The following TBC1D21 variants were observed in gnomAD, a reference collection of about 807,000 sequenced individuals.
TBC1D21 encodes TBC1 domain family member 21.
Under a neutral mutation model 46.0 loss-of-function variants are expected in TBC1D21, and 38 were observed. That is an observed-to-expected ratio of 0.83 (90% CI 0.64 to 1.08). The LOEUF is 1.08. Among genes scored for constraint, TBC1D21 ranks in the 50% least tolerant of loss-of-function variants. The pLI is 0.00. For missense variants in TBC1D21, 415 were observed against 417.9 expected, an observed-to-expected ratio of 0.99 and a Z score of 0.06; for synonymous variants, 151 against 157.2, an observed-to-expected ratio of 0.96 and a Z score of 0.29.
chr15:73,889,164 G>A lies in TBC1D21; in HGVS notation c.*63G>A. 6.4e-7 allele frequency: 1 copy of A among 1,554,488 alleles called. No individual in the cohort carries two copies. The highest frequency in any genetic ancestry group is 1.3e-5 in the African/African-American group (1 of 74,076). ...GGCAGGATGAAGGCCAGGGGCACTG[G>A]AGTGAGGGAGTAGATAAAACAGCTG... On this transcript the variant is annotated 3_prime_UTR_variant, in exon 11 of 11. Coordinates refer to ENST00000300504, the MANE Select transcript of TBC1D21 (RefSeq NM_153356.3).
At chr15:73,875,322 AAGGG>A (rs111521343) in intron 1 of TBC1D21, among the ~76,000 whole-genome samples, 2,881 of 143,018 alleles carry the variant, frequency 0.02, 104 homozygotes, top group African/African-American at 0.069. Flanking sequence ...GGAAGGAAGG[AAGGG>A]AGGGAGGGAG....
chr15:73,898,898 TATATAC>T, the TBC1D21 span, among the ~76,000 whole-genome samples: 2 of 131,106 alleles, frequency 1.5e-5, no homozygotes, highest in South Asian at 2.4e-4. Context: ...TATATATATA[TATATAC>T]ACACACACTC....
intron 4 of TBC1D21, 37 bp from the exon 5 acceptor site, chr15:73,884,744 T>C (rs1188642280): frequency 6.7e-7 from 1 of 1,486,804 alleles, no homozygotes; most frequent in Non-Finnish European, 9.4e-7. Flanking sequence ...CTGGATGTGA[T>C]CTGGTGCCAC....
downstream of TBC1D21, among the ~76,000 whole-genome samples, chr15:73,891,062 A>C (rs554579400): frequency 6.6e-6 from 1 of 152,354 alleles, no homozygotes; most frequent in South Asian, 2.1e-4. Context: ...ATCTTGGAAG[A>C]GTGGAGCTTC....
Position 73,885,130 on chromosome 15 carries a change from C to T in TBC1D21, c.579+27C>T, listed in dbSNP as rs202019271. On this transcript the variant is annotated intron_variant, in intron 6 of 10. Transcript: ENST00000300504. ...TGAGGGCAAGGCCTGAGCTCAGGGA[C>T]GCCCCTCCCCAACCCCCCACTACTC... 134 of 1,593,674 alleles carry T rather than the reference C, an allele frequency of 8.4e-5. No individual in the cohort carries two copies. The African/African-American group carries it at 1.2e-3, about 15-fold the overall frequency.
chr15:73,892,174 G>A (rs2068342705), downstream of TBC1D21, among the ~76,000 whole-genome samples: 1 of 152,232 alleles, frequency 6.6e-6, no homozygotes, highest in African/African-American at 2.4e-5. Context: ...TCTGTGGAGA[G>A]GAGCTACTCA....
At chr15:73,906,026 T>C in the TBC1D21 span, among the ~76,000 whole-genome samples, 1 of 152,224 alleles carries the variant, frequency 6.6e-6, no homozygotes, top group Admixed American at 6.5e-5. Flanking sequence ...AGCAAGGGAC[T>C]GGCTCCTGGT....
Position 73,881,721 on chromosome 15 carries a change from G to T in TBC1D21, c.246G>T (p.Glu82Asp), listed in dbSNP as rs1475770012. 6.2e-7 allele frequency: 1 copy of T among 1,613,794 alleles called. No homozygotes were observed. The highest frequency in any genetic ancestry group is 8.5e-7 in the Non-Finnish European group (1 of 1,179,974). The change falls in exon 3 of 11, where the codon GAG (glutamate) becomes GAT (aspartate). Residue 82 changes from glutamate to aspartate, a missense_variant. Physicochemically the swap from Glu to Asp is conservative, Grantham distance 45. Coordinates refer to ENST00000300504, the MANE Select transcript of TBC1D21 (RefSeq NM_153356.3). ...TCTCATGGCAGAGTTCCCAGGATGAGCGGCTCACGGTGGACAGCATGAGGA... is the reference window on the plus strand; with the variant it reads ...TCTCATGGCAGAGTTCCCAGGATGATCGGCTCACGGTGGACAGCATGAGGA... ...GYFSWQSSQD[E>D]RLTVDSMRRK... is the part of the protein sequence containing the mutation.
At chr15:73,887,836 C>G in intron 9 of TBC1D21, 100 bp downstream of exon 9, 1 of 931,266 alleles carries the variant, frequency 1.1e-6, no homozygotes, top group Non-Finnish European at 1.7e-6. Context: ...GTGCTGGGCA[C>G]CAGTGCCACC....
At chr15:73,883,712 C>T (rs554572345) in intron 3 of TBC1D21, among the ~76,000 whole-genome samples, 1 of 152,226 alleles carries the variant, frequency 6.6e-6, no homozygotes, top group Non-Finnish European at 1.5e-5. Flanking sequence ...ATGCGGCCAG[C>T]AATACCAACT....
chr15:73,888,078 G>A (rs955723880), intron 9 of TBC1D21, among the ~76,000 whole-genome samples: 3 of 152,120 alleles, frequency 2.0e-5, no homozygotes, highest in Non-Finnish European at 4.4e-5. Context: ...TGAAACAGAA[G>A]GACCTAGAGT....
intron 9 of TBC1D21, 37 bp downstream of exon 9, chr15:73,887,773 C>T (rs1306744721): frequency 6.4e-7 from 1 of 1,572,640 alleles, no homozygotes; most frequent in Middle Eastern, 2.1e-4. Context: ...ACCCCTGCTC[C>T]TGGAGGCCCT....
intron 3 of TBC1D21, among the ~76,000 whole-genome samples, chr15:73,883,206 A>T (rs920723460): frequency 1.3e-5 from 2 of 152,246 alleles, no homozygotes; most frequent in Admixed American, 1.3e-4. Flanking sequence ...TGTCGGGGCC[A>T]GCCAGAGTGA....
At chr15:73,892,836 C>T (rs540659361), downstream of TBC1D21, among the ~76,000 whole-genome samples, 1 of 152,344 alleles carries the variant, frequency 6.6e-6, no homozygotes, top group East Asian at 1.9e-4. Context: ...AAAGGAATAC[C>T]TCAAGAATTC....
At chr15:73,901,744 A>G in the TBC1D21 span, among the ~76,000 whole-genome samples, 2 of 151,992 alleles carry the variant, frequency 1.3e-5, no homozygotes, top group Non-Finnish European at 2.9e-5. Context: ...CCATTGTCAC[A>G]TCTCCTACTT....
chr15:73,885,114 G>C lies in TBC1D21; in HGVS notation c.579+11G>C. On this transcript the variant is annotated intron_variant, in intron 6 of 10. Coordinates refer to ENST00000300504, the MANE Select transcript of TBC1D21 (RefSeq NM_153356.3). ...TTCCTGCAGAAAACGGTGAGGGCAA[G>C]GCCTGAGCTCAGGGACGCCCCTCCC... is the stretch of plus-strand genomic sequence containing the variant. 1.2e-6 allele frequency: 2 copies of C among 1,610,010 alleles called. No individual in the cohort carries two copies. Among genetic ancestry groups the C allele is most frequent in the Non-Finnish European group, 1.7e-6 (2 of 1,179,430 alleles).
At chr15:73,902,372 A>C in the TBC1D21 span, among the ~76,000 whole-genome samples, 1 of 152,146 alleles carries the variant, frequency 6.6e-6, no homozygotes, top group Non-Finnish European at 1.5e-5. Flanking sequence ...CTGTCTCTGG[A>C]GTCAGTGAGC....
downstream of TBC1D21, among the ~76,000 whole-genome samples, chr15:73,890,602 G>A (rs1231145191): frequency 6.6e-6 from 1 of 152,204 alleles, no homozygotes; most frequent in African/African-American, 2.4e-5. Context: ...TTGGCCTTGG[G>A]AAGAGAACAA....
At position 73,883,195 on chromosome 15, in the gene TBC1D21, G is replaced by C. The variant is rs184075986; in HGVS notation, c.273-956G>C. On this transcript the variant is annotated intron_variant, in intron 3 of 10. Transcript: ENST00000300504. The stretch of plus-strand genomic sequence containing the variant: ...CAGACAGAATGTGGAAAAGATTCAC[G>C]TGTCGGGGCCAGCCAGAGTGACCCG... Among the ~76,000 whole-genome samples, 8 of 152,342 alleles carry C rather than the reference G, an allele frequency of 5.3e-5. No homozygotes were observed. In the East Asian group the frequency reaches 1.5e-3, roughly 29 times the overall value.
Sources: allele counts gnomAD v4.1 joint callset (sites outside exome capture counted in the v4.1 genomes callset), GRCh38; gene constraint gnomAD v4.1.1; transcripts MANE v1.5; gene names NCBI Gene and HGNC (gene_info 2026-07-23, HGNC 2026-07-21).